Variants in DIPK1A observed in about 807,000 individuals in gnomAD.
The protein encoded by DIPK1A is divergent protein kinase domain 1A, also known as family with sequence similarity 69 member A.
In DIPK1A, 27 loss-of-function variants were observed where a neutral mutation model predicts 40.8. The observed-to-expected ratio is 0.66, with a 90% CI of 0.49 to 0.91. DIPK1A has a LOEUF of 0.91. Among genes scored for constraint, DIPK1A ranks in the 40% least tolerant of loss-of-function variants. The pLI, the probability that DIPK1A is intolerant of heterozygous loss-of-function variation, is 0.00. For synonymous variants in DIPK1A, 166 were observed against 171.3 expected, an observed-to-expected ratio of 0.97 and a Z score of 0.24; for missense variants, 412 against 505.7, an observed-to-expected ratio of 0.81 and a Z score of 1.78.
At chr1:92,862,205 A>C (rs1232026889) in intron 2 of DIPK1A, among the ~76,000 whole-genome samples, 1 of 152,082 alleles carries the variant, frequency 6.6e-6, no homozygotes, top group Non-Finnish European at 1.5e-5. Context: ...CTTTTTCGTG[A>C]ATTAAATATC....
chr1:92,879,275 C>A (rs1648269921), intron 1 of DIPK1A, among the ~76,000 whole-genome samples: 1 of 152,050 alleles, frequency 6.6e-6, no homozygotes, highest in Non-Finnish European at 1.5e-5. Context: ...ATTTATAAGA[C>A]AATTGAAAAT....
intron 1 of DIPK1A, among the ~76,000 whole-genome samples, chr1:92,892,212 A>G (rs1648921169): frequency 6.6e-6 from 1 of 152,070 alleles, no homozygotes; most frequent in African/African-American, 2.4e-5. Context: ...CTGCCTCCTC[A>G]ACTGGGTCCC....
intron 1 of DIPK1A, among the ~76,000 whole-genome samples, chr1:92,889,495 T>C (rs1011983707): frequency 2.0e-5 from 3 of 152,220 alleles, no homozygotes; most frequent in East Asian, 1.9e-4. Context: ...TATAGTTCTA[T>C]ATTAGTTTTA....
intron 2 of DIPK1A, among the ~76,000 whole-genome samples, chr1:92,873,789 G>A (rs139533456): frequency 1.3e-5 from 2 of 152,176 alleles, no homozygotes; most frequent in East Asian, 3.9e-4. Flanking sequence ...ATAGTTCACT[G>A]CAATCTCAAA....
chr1:92,840,485 T>C (rs374713340), downstream of DIPK1A: 2 of 1,143,964 alleles, frequency 1.7e-6, no homozygotes, highest in South Asian at 2.5e-5. Flanking sequence ...AGATAAGTTA[T>C]GGTTGCATTA....
Position 92,886,485 on chromosome 1 carries a change from C to T in DIPK1A, c.55-10055G>A, listed in dbSNP as rs140715613. Among the ~76,000 whole-genome samples, 4 of 152,178 alleles carry T rather than the reference C, an allele frequency of 2.6e-5. No homozygotes were observed. The East Asian group carries it at 7.7e-4, about 29-fold the overall frequency. ...ATATGCGTGAGCCACTGTACCCATACTGTAAAATGTTATACATCCACTTAA... is the reference window on the plus strand; with the variant it reads ...ATATGCGTGAGCCACTGTACCCATATTGTAAAATGTTATACATCCACTTAA... On this transcript the variant is annotated intron_variant, in intron 1 of 4. Coordinates refer to ENST00000370310, the MANE Select transcript of DIPK1A (RefSeq NM_001006605.5).
chr1:92,912,848 C>T (rs535961141), intron 1 of DIPK1A, among the ~76,000 whole-genome samples: 1 of 152,114 alleles, frequency 6.6e-6, no homozygotes, highest in African/African-American at 2.4e-5. Flanking sequence ...CGCCTACAAT[C>T]CCAGCACTTT....
intron 1 of DIPK1A, chr1:92,932,065 C>T (rs1650770922): frequency 8.1e-6 from 4 of 492,404 alleles, no homozygotes; most frequent in South Asian, 7.0e-5. Context: ...TTTCGGAATT[C>T]CAGAAGACTC....
intron 1 of DIPK1A, among the ~76,000 whole-genome samples, chr1:92,907,846 C>T (rs1049034427): frequency 3.3e-5 from 5 of 152,000 alleles, no homozygotes; most frequent in Non-Finnish European, 5.9e-5. Flanking sequence ...TATGTAAATT[C>T]GATCTTGATA....
intron 2 of DIPK1A, among the ~76,000 whole-genome samples, chr1:92,853,067 C>T (rs920309353): frequency 2.6e-5 from 4 of 151,646 alleles, no homozygotes; most frequent in African/African-American, 9.7e-5. Flanking sequence ...ATAACAACAA[C>T]AAAAAACTTT....
At chr1:92,905,862 C>T (rs1649599492) in intron 1 of DIPK1A, among the ~76,000 whole-genome samples, 1 of 152,086 alleles carries the variant, frequency 6.6e-6, no homozygotes, top group South Asian at 2.1e-4. Flanking sequence ...TTTCTCAGGA[C>T]CATTTATTGA....
chr1:92,940,777 C>T (rs112732382), intron 1 of DIPK1A, among the ~76,000 whole-genome samples: 2 of 152,314 alleles, frequency 1.3e-5, no homozygotes, highest in African/African-American at 4.8e-5. Flanking sequence ...AGTTGCTCTG[C>T]GTCCTTGCCA....
At chr1:92,906,998 T>G (rs1649650593) in intron 1 of DIPK1A, among the ~76,000 whole-genome samples, 1 of 152,228 alleles carries the variant, frequency 6.6e-6, no homozygotes, top group Non-Finnish European at 1.5e-5. Context: ...TTAGGCTCTT[T>G]AAATGTTTAA....
At chr1:92,834,724 T>A (rs1187407366) in intron 4 of DIPK1A, 1 of 1,604,404 alleles carries the variant, frequency 6.2e-7, no homozygotes, top group African/African-American at 1.3e-5. Context: ...ATAATTAAGA[T>A]GTAGTAAGAC....
intron 1 of DIPK1A, among the ~76,000 whole-genome samples, chr1:92,927,471 T>C (rs1571132244): frequency 6.7e-6 from 1 of 149,616 alleles, no homozygotes; most frequent in Middle Eastern, 3.4e-3. Flanking sequence ...CCTCCCCAAG[T>C]GCTGGGATTA....
At position 92,842,470 on chromosome 1, in the gene DIPK1A, T is replaced by G; in HGVS notation, c.*913A>C. ...AATACTAAACCTTGTATATCAAGTT[T>G]ACATGGGGAAAAAAACATTAGATAA... On this transcript the variant is annotated 3_prime_UTR_variant, in exon 5 of 5. Coordinates refer to ENST00000370310, the MANE Select transcript of DIPK1A (RefSeq NM_001006605.5). The G allele has an allele frequency of 1.0e-6, 1 of 971,272 alleles. No homozygotes were observed. Among genetic ancestry groups the G allele is most frequent in the Non-Finnish European group, 1.2e-6 (1 of 820,554 alleles). 60.2% of individuals were successfully genotyped at this position (971,272 alleles called of 1,614,324 possible).
At chr1:92,863,944 C>T (rs969911629) in intron 2 of DIPK1A, among the ~76,000 whole-genome samples, 10 of 152,150 alleles carry the variant, frequency 6.6e-5, no homozygotes, top group African/African-American at 2.4e-4. Flanking sequence ...GTAATCCCAG[C>T]TACTCAGGAG....
chr1:92,882,926 A>T (rs980548707), intron 1 of DIPK1A, among the ~76,000 whole-genome samples: 2 of 152,216 alleles, frequency 1.3e-5, no homozygotes, highest in Admixed American at 6.5e-5. Context: ...TGCTGATGTG[A>T]TATTAGGCTT....
chr1:92,885,646 G>A (rs1021415849), intron 1 of DIPK1A, among the ~76,000 whole-genome samples: 6 of 152,146 alleles, frequency 3.9e-5, no homozygotes, highest in African/African-American at 1.4e-4. Context: ...ATGAGCTACC[G>A]TGCCCAGTCC....
Sources: allele counts gnomAD v4.1 joint callset (sites outside exome capture counted in the v4.1 genomes callset), GRCh38; gene constraint gnomAD v4.1.1; transcripts MANE v1.5; gene names NCBI Gene and HGNC (gene_info 2026-07-23, HGNC 2026-07-21).